METTL2B: variants seen among roughly 807,000 people sequenced by gnomAD.
The protein encoded by METTL2B is tRNA N(3)-cytidine methyltransferase METTL2B.
In METTL2B, 28 loss-of-function variants were observed where a neutral mutation model predicts 51.0. The ratio of observed to expected loss-of-function variants is 0.55; its 90% CI spans 0.41 to 0.75. The LOEUF (loss-of-function observed/expected upper bound fraction) is 0.75, where lower values mean the gene tolerates loss of function less well. Among genes scored for constraint, METTL2B ranks in the 30% least tolerant of loss-of-function variants. The probability of loss-of-function intolerance (pLI) is 0.00; values close to 1 mark genes in which losing one functional copy is unlikely to be tolerated. For synonymous variants in METTL2B, 128 were observed against 166.3 expected, an observed-to-expected ratio of 0.77 and a Z score of 1.77; for missense variants, 313 against 460.7, an observed-to-expected ratio of 0.68 and a Z score of 2.93.
At position 128,502,069 on chromosome 7, in the gene METTL2B, G is replaced by A; in HGVS notation, c.*153G>A. ...CCATTGAGCCCAGGAGTCCAGCCTGGGCAAAATAGCGAGAGACCCTGAATC... is the reference window on the plus strand; with the variant it reads ...CCATTGAGCCCAGGAGTCCAGCCTGAGCAAAATAGCGAGAGACCCTGAATC... On this transcript the variant is annotated 3_prime_UTR_variant, in exon 9 of 9. Coordinates refer to ENST00000262432, the MANE Select transcript of METTL2B (RefSeq NM_018396.3). 1 of 1,041,136 alleles carries A rather than the reference G, an allele frequency of 9.6e-7. No individual in the cohort carries two copies. The highest frequency in any genetic ancestry group is 1.4e-6 in the Non-Finnish European group (1 of 732,664). 64.5% of individuals were successfully genotyped at this position (1,041,136 alleles called of 1,614,324 possible). A position where few individuals can be genotyped will look rare whatever the true frequency, so the allele number is the denominator to read the frequency against.
At chr7:128,481,132 G>A (rs942414380) in intron 4 of METTL2B, among the ~76,000 whole-genome samples, 1 of 152,236 alleles carries the variant, frequency 6.6e-6, no homozygotes, top group Admixed American at 6.5e-5. Flanking sequence ...TGGTAGAGTT[G>A]AGAAAGCTAT....
intron 5 of METTL2B, among the ~76,000 whole-genome samples, chr7:128,490,096 G>A (rs1792801564): frequency 6.6e-6 from 1 of 152,082 alleles, no homozygotes; most frequent in African/African-American, 2.4e-5. Context: ...TATCAACTAA[G>A]TTTGATGCCA....
chr7:128,484,235 T>TTTTTTGTTTTTTTTTTTTTGTTC (rs1792656980), intron 4 of METTL2B: 1 of 112,186 alleles, frequency 8.9e-6, no homozygotes, highest in African/African-American at 3.5e-5. Context: ...TTTTTTTTTT[T>TTTTTTGTTTTTTTTTTTTTGTTC]TTTTTTTTTT....
In METTL2B at chr7:128,485,529, G is replaced by A. The variant is rs879639327; in HGVS notation, c.609-2572G>A. Among the ~76,000 whole-genome samples, 23 of 152,162 alleles carry A rather than the reference G, an allele frequency of 1.5e-4. 1 individual carries two copies. Among genetic ancestry groups the A allele is most frequent in the Non-Finnish European group, 2.9e-4 (20 of 68,024 alleles). On this transcript the variant is annotated intron_variant, in intron 4 of 8. Coordinates refer to ENST00000262432, the MANE Select transcript of METTL2B (RefSeq NM_018396.3). ...ATACAAAAAAAAATTAGCCAGTCGT[G>A]GTGGCAGGCACCTGTAGTCCCAGCT...
In METTL2B at chr7:128,476,834, G is replaced by A; in HGVS notation, c.69G>A (p.Arg23=). 2 of 1,614,188 alleles carry A rather than the reference G, an allele frequency of 1.2e-6. No homozygotes were observed. The highest frequency in any genetic ancestry group is 2.2e-5 in the South Asian group (2 of 91,078). ...ATAAGAGGCAGCAGTTCGGAAGCCG[G>A]TTCCTGAGCGATCCGGCGCGCGTCT... ...LADKRQQFGS[R]FLSDPARVFH... is the part of the protein sequence containing the mutation. Residue 23 remains arginine, a synonymous_variant, in exon 1 of 9, where the codon CGG becomes CGA. Coordinates refer to ENST00000262432, the MANE Select transcript of METTL2B (RefSeq NM_018396.3).
rs1386815003 is a variant in METTL2B at position 128,505,657 on chromosome 7, G to C, written c.*3741G>C. The C allele has an allele frequency of 6.6e-6, 1 of 152,192 alleles. No homozygotes were observed. The allele number at this position is 152,192 out of a possible 1,614,324, so 9.4% of individuals were successfully genotyped here. On this transcript the variant is annotated 3_prime_UTR_variant, in exon 9 of 9. Transcript: ENST00000262432. ...TTCCTCATCAAACTTCTACCCCCTA[G>C]TTTCAGTATCTATTGCTGTTTTTTG...
rs185103777 is a variant in METTL2B, at chr7:128,503,152, C to G, written c.*1236C>G. 1 of 150,846 alleles carries G rather than the reference C, an allele frequency of 6.6e-6. No homozygotes were observed. Among genetic ancestry groups the G allele is most frequent in the South Asian group, 2.1e-4 (1 of 4,752 alleles). The allele number at this position is 150,846 out of a possible 1,614,324, so 9.3% of individuals were successfully genotyped here. The stretch of plus-strand genomic sequence containing the variant: ...GGGCATGGTGGCATGCGCCTGTAGT[C>G]CCCTGTAGTCCCAGCTACTCGGGAG... On this transcript the variant is annotated 3_prime_UTR_variant, in exon 9 of 9. Transcript: ENST00000262432.
intron 4 of METTL2B, chr7:128,483,298 A>T (rs1799895021): frequency 6.6e-6 from 1 of 152,224 alleles, no homozygotes; most frequent in Middle Eastern, 3.2e-3. Flanking sequence ...TAGAATTGGC[A>T]TGTTTTCTAC....
chr7:128,478,682 G>A (rs897521472), intron 2 of METTL2B, among the ~76,000 whole-genome samples: 1 of 150,014 alleles, frequency 6.7e-6, no homozygotes, highest in Admixed American at 6.7e-5. Context: ...TGGCTAACAC[G>A]GTGAAACCCC....
chr7:128,485,643 G>C (rs2116849361), intron 4 of METTL2B, among the ~76,000 whole-genome samples: 1 of 146,782 alleles, frequency 6.8e-6, no homozygotes, highest in South Asian at 2.2e-4. Context: ...TCCAGCCTGG[G>C]CGACAGAGTG....
intron 4 of METTL2B, among the ~76,000 whole-genome samples, chr7:128,483,684 G>T (rs144338666): frequency 0.069 from 10,563 of 152,088 alleles, 772 homozygotes; most frequent in East Asian, 0.26. Context: ...TGGGATTACA[G>T]GTGCCCACCA....
At chr7:128,484,896 T>G (rs1249932085) in intron 4 of METTL2B, among the ~76,000 whole-genome samples, 1 of 152,126 alleles carries the variant, frequency 6.6e-6, no homozygotes, top group Non-Finnish European at 1.5e-5. Flanking sequence ...ACAGTGGTTT[T>G]AAGTTAATTC....
chr7:128,478,174 G>A lies in METTL2B; in HGVS notation c.203-984G>A, dbSNP rs577759724. 2.6e-5 allele frequency among the ~76,000 whole-genome samples: 4 copies of A among 151,732 alleles called. No homozygotes were observed. The South Asian group carries it at 8.4e-4, about 32-fold the overall frequency. Reference sequence around the variant, plus strand: ...TCTACTACACTAGTCAAGGCCCCCTGAACTGGCAAGAGCAGTAAACTGAAA... The same window carrying A: ...TCTACTACACTAGTCAAGGCCCCCTAAACTGGCAAGAGCAGTAAACTGAAA... On this transcript the variant is annotated intron_variant, in intron 2 of 8. Coordinates refer to ENST00000262432, the MANE Select transcript of METTL2B (RefSeq NM_018396.3).
Position 128,503,882 on chromosome 7 carries a change from C to T in METTL2B, c.*1966C>T, listed in dbSNP as rs865892991. The T allele has an allele frequency of 6.6e-6, 1 of 152,058 alleles. No individual in the cohort carries two copies. Among genetic ancestry groups the T allele is most frequent in the African/African-American group, 2.4e-5 (1 of 41,398 alleles). 9.4% of individuals were successfully genotyped at this position (152,058 alleles called of 1,614,324 possible). Reference sequence around the variant, plus strand: ...GCATGGTTGTGGGCGCCTGTAATCCCAGCTACTCAGGAGGCTGAGGTAGGA... The same window carrying T: ...GCATGGTTGTGGGCGCCTGTAATCCTAGCTACTCAGGAGGCTGAGGTAGGA... On this transcript the variant is annotated 3_prime_UTR_variant, in exon 9 of 9. Coordinates refer to ENST00000262432, the MANE Select transcript of METTL2B (RefSeq NM_018396.3).
intron 8 of METTL2B, chr7:128,501,255 G>T (rs1401496807): frequency 1.0e-6 from 1 of 985,278 alleles, no homozygotes; most frequent in Non-Finnish European, 1.2e-6. Flanking sequence ...CTCACCTCCA[G>T]TCCAGCCTGT....
chr7:128,493,339 A>T (rs1159601401), intron 5 of METTL2B, among the ~76,000 whole-genome samples: 4 of 151,880 alleles, frequency 2.6e-5, no homozygotes, highest in Admixed American at 2.6e-4. Context: ...CAGCCTCCCG[A>T]GTAGCTGGGA....
chr7:128,480,542 T>A (rs1799860534), intron 3 of METTL2B, 105 bp from the exon 4 acceptor site: 35 of 1,557,776 alleles, frequency 2.2e-5, no homozygotes, highest in Non-Finnish European at 3.0e-5. Context: ...CCTTCCCTAA[T>A]ACAGTTAGGC....
intron 2 of METTL2B, 52 bp downstream of exon 2, chr7:128,477,225 G>A (rs751156884): frequency 1.2e-6 from 2 of 1,608,826 alleles, no homozygotes; most frequent in African/African-American, 2.7e-5. Context: ...ACTGCCGAAC[G>A]CGCCCTCCCG....
chr7:128,497,237 C>T (rs1401977758), intron 6 of METTL2B, among the ~76,000 whole-genome samples: 3 of 152,304 alleles, frequency 2.0e-5, no homozygotes, highest in East Asian at 3.9e-4. Context: ...CTGTTATACT[C>T]ATTTGCATAC....
Sources: allele counts gnomAD v4.1 joint callset (sites outside exome capture counted in the v4.1 genomes callset), GRCh38; gene constraint gnomAD v4.1.1; transcripts MANE v1.5; gene names NCBI Gene and HGNC (gene_info 2026-07-23, HGNC 2026-07-21).